Variants in TANGO6 observed in about 807,000 individuals in gnomAD.
The protein encoded by TANGO6 is transport and Golgi organization protein 6 homolog.
Under a neutral mutation model 114.2 loss-of-function variants are expected in TANGO6, and 90 were observed. That is an observed-to-expected ratio of 0.79 (90% confidence interval 0.66 to 0.94). The LOEUF (loss-of-function observed/expected upper bound fraction) is 0.94, where lower values mean the gene tolerates loss of function less well. TANGO6 is among the 40% of genes least tolerant of loss of function. TANGO6 has a pLI of 0.00. For missense variants in TANGO6, 1,274 were observed against 1,315.3 expected (o/e 0.97, Z 0.49); for synonymous variants, 477 against 509.8 (o/e 0.94, Z 0.87).
intron 10 of TANGO6, among the ~76,000 whole-genome samples, chr16:68,908,064 G>A (rs1401072188): frequency 6.6e-6 from 1 of 152,100 alleles, no homozygotes; most frequent in African/African-American, 2.4e-5. Flanking sequence ...TGCTTTGCTT[G>A]CTTTTCTTCT....
At chr16:68,944,895 GCACGGTGGCT>G (rs1438423652) in intron 14 of TANGO6, among the ~76,000 whole-genome samples, 1 of 152,216 alleles carries the variant, frequency 6.6e-6, no homozygotes, top group Non-Finnish European at 1.5e-5. Flanking sequence ...GTTTGGCCGG[GCACGGTGGCT>G]CACGCCTGAG....
intron 7 of TANGO6, among the ~76,000 whole-genome samples, chr16:68,894,018 C>T (rs555258656): frequency 6.6e-6 from 1 of 152,332 alleles, no homozygotes; most frequent in South Asian, 2.1e-4. Context: ...TCGCTGCTTC[C>T]TCAGTCCATA....
At chr16:68,910,809 T>A (rs1962912535) in intron 11 of TANGO6, among the ~76,000 whole-genome samples, 1 of 152,128 alleles carries the variant, frequency 6.6e-6, no homozygotes, top group Admixed American at 6.6e-5. Context: ...CCCAAGGAGC[T>A]GGGATTACAG....
At chr16:68,897,808 C>T (rs1962726020) in intron 7 of TANGO6, among the ~76,000 whole-genome samples, 1 of 151,924 alleles carries the variant, frequency 6.6e-6, no homozygotes, top group African/African-American at 2.4e-5. Context: ...GAACTCCTAA[C>T]CTCAGGTGAT....
At chr16:69,055,760 G>A (rs13330906) in intron 17 of TANGO6, among the ~76,000 whole-genome samples, 3,614 of 152,344 alleles carry the variant, frequency 0.024, 147 homozygotes, top group African/African-American at 0.082. Context: ...TGAGCCAGGC[G>A]TGCTGGCGTG....
At chr16:68,939,542 A>G (rs959612710) in intron 14 of TANGO6, among the ~76,000 whole-genome samples, 1 of 150,096 alleles carries the variant, frequency 6.7e-6, no homozygotes, top group Non-Finnish European at 1.5e-5. Context: ...TGTTAGGGAT[A>G]TTGTCTAAGC....
chr16:68,945,742 G>C (rs892592193), intron 14 of TANGO6, among the ~76,000 whole-genome samples: 7 of 151,856 alleles, frequency 4.6e-5, no homozygotes, highest in African/African-American at 1.7e-4. Context: ...CTGGAGTGCA[G>C]TGGCATGATC....
intron 15 of TANGO6, among the ~76,000 whole-genome samples, chr16:68,982,310 C>G (rs779527741): frequency 2.6e-5 from 4 of 152,036 alleles, no homozygotes; most frequent in Non-Finnish European, 5.9e-5. Flanking sequence ...TGTAGTCATC[C>G]TGCTGGCCCT....
intron 14 of TANGO6, chr16:68,973,128 G>T: frequency 2.2e-6 from 1 of 455,996 alleles, no homozygotes; most frequent in Non-Finnish European, 4.4e-6. Context: ...AGCTCCATCT[G>T]CAATGGATGA....
chr16:68,902,990 C>T (rs963308858), intron 9 of TANGO6, among the ~76,000 whole-genome samples: 3 of 152,146 alleles, frequency 2.0e-5, no homozygotes, highest in Admixed American at 2.0e-4. Flanking sequence ...TGGAATGGAT[C>T]ATTTATTTCT....
intron 11 of TANGO6, among the ~76,000 whole-genome samples, chr16:68,913,282 C>T (rs1303713169): frequency 6.6e-6 from 1 of 151,722 alleles, no homozygotes; most frequent in Non-Finnish European, 1.5e-5. Context: ...TGGGGTCTCA[C>T]TGTATTGCCC....
chr16:68,909,153 A>G (rs1962889925), intron 10 of TANGO6, 58 bp from the exon 11 acceptor site: 1 of 1,283,048 alleles, frequency 7.8e-7, no homozygotes, highest in Non-Finnish European at 1.0e-6. Flanking sequence ...CTTATGTTTG[A>G]GAAGGCCTTA....
chr16:68,937,416 C>G (rs1963310668), intron 14 of TANGO6: 2 of 152,102 alleles, frequency 1.3e-5, no homozygotes, highest in African/African-American at 4.8e-5. Flanking sequence ...ATTTACATAC[C>G]TAAAATTCAC....
intron 16 of TANGO6, among the ~76,000 whole-genome samples, chr16:69,036,775 CA>C (rs1327001175): frequency 1.3e-5 from 2 of 152,080 alleles, no homozygotes; most frequent in Non-Finnish European, 2.9e-5. Context: ...CCAGCCTGGG[CA>C]ACATGGCAAA....
intron 17 of TANGO6, among the ~76,000 whole-genome samples, chr16:69,053,756 G>A (rs528908305): frequency 1.5e-3 from 222 of 152,250 alleles, no homozygotes; most frequent in South Asian, 2.9e-3. Context: ...TTCTTGGGGG[G>A]CTTGGCAGAA....
intron 16 of TANGO6, among the ~76,000 whole-genome samples, chr16:69,025,192 C>T (rs1959480118): frequency 6.6e-6 from 1 of 152,246 alleles, no homozygotes; most frequent in African/African-American, 2.4e-5. Flanking sequence ...TGTGTTATAG[C>T]TTGTACCACA....
chr16:69,069,723 A>G (rs1310629782), intron 17 of TANGO6, among the ~76,000 whole-genome samples: 5 of 152,094 alleles, frequency 3.3e-5, no homozygotes, highest in Non-Finnish European at 5.9e-5. Context: ...ATTGTGTGGA[A>G]TGTAGCCTTC....
chr16:68,860,171 G>T lies in TANGO6; in HGVS notation c.382G>T (p.Val128Phe), dbSNP rs1741578510. Reference protein sequence around the residue: ...PGKPNPRTPEVAPALSPDALS... With the variant: ...PGKPNPRTPEFAPALSPDALS... ...TAAACCCAACCCTAGGACTCCGGAA[G>T]TTGCTCCTGCCCTGAGCCCCGATGC... Residue 128 changes from valine to phenylalanine, a missense_variant, in exon 2 of 18, where the codon GTT becomes TTT. Coordinates refer to ENST00000261778, the MANE Select transcript of TANGO6 (RefSeq NM_024562.2). 1.9e-6 allele frequency: 3 copies of T among 1,614,004 alleles called. No individual in the cohort carries two copies. The highest frequency in any genetic ancestry group is 1.3e-5 in the African/African-American group (1 of 75,042).
intron 15 of TANGO6, among the ~76,000 whole-genome samples, chr16:69,012,556 C>CAAAAAAAAAAAAAAAAAAAAAAGAAA (rs1964152144): frequency 8.2e-5 from 3 of 36,512 alleles, no homozygotes; most frequent in Admixed American, 3.7e-4. Context: ...AACTCTGTCT[C>CAAAAAAAAAAAAAAAAAAAAAAGAAA]AAAAAAAAAA....
Sources: allele counts gnomAD v4.1 joint callset (sites outside exome capture counted in the v4.1 genomes callset), GRCh38; gene constraint gnomAD v4.1.1; transcripts MANE v1.5; gene names NCBI Gene and HGNC (gene_info 2026-07-23, HGNC 2026-07-21).